The following NGEF variants were observed in gnomAD, a reference collection of about 807,000 sequenced individuals.
NGEF encodes the protein ephexin-1.
NGEF carries 31 observed loss-of-function variants against 80.9 expected under a neutral mutation model. The ratio of observed to expected loss-of-function variants is 0.38; its 90% confidence interval spans 0.29 to 0.52. The LOEUF (loss-of-function observed/expected upper bound fraction) is 0.52. NGEF is among the 20% of genes least tolerant of loss of function. The pLI is 0.84. For missense variants in NGEF, 709 were observed against 926.2 expected, an observed-to-expected ratio of 0.77 and a Z score of 3.04; for synonymous variants, 371 against 370.2, an observed-to-expected ratio of 1.00 and a Z score of -0.03.
At chr2:232,988,677 T>A (rs1694590022) in intron 1 of NGEF, among the ~76,000 whole-genome samples, 1 of 152,184 alleles carries the variant, frequency 6.6e-6, no homozygotes, top group South Asian at 2.1e-4. Flanking sequence ...GGTGACTCAC[T>A]CCAGCATCAT....
At position 232,953,018 on chromosome 2, in the gene NGEF, T is replaced by C. The variant is rs1189392152; in HGVS notation, c.383+17196A>G. ...AAAAAACAACAAAAAAGCAAAGTGA[T>C]TGGGGCCAGGCGCAGTGGCTCACGC... On this transcript the variant is annotated intron_variant, in intron 3 of 14. Transcript: ENST00000264051. 4.6e-5 allele frequency among the ~76,000 whole-genome samples: 6 copies of C among 129,054 alleles called. No individual in the cohort carries two copies. In the South Asian group the frequency reaches 1.5e-3, roughly 32 times the overall value. The allele number at this position is 129,054 out of a possible 152,430, so 84.7% of individuals were successfully genotyped here. A position where few individuals can be genotyped will look rare whatever the true frequency, so the allele number is the denominator to read the frequency against.
At chr2:232,933,813 C>T (rs185986212) in intron 3 of NGEF, among the ~76,000 whole-genome samples, 5 of 152,248 alleles carry the variant, frequency 3.3e-5, no homozygotes, top group African/African-American at 1.2e-4. Context: ...CCCCACCAGG[C>T]CCCTTCTGCT....
chr2:232,927,931 G>A lies in NGEF; in HGVS notation c.384-745C>T, dbSNP rs1176876471. 6.0e-6 allele frequency: 8 copies of A among 1,342,608 alleles called. No homozygotes were observed. In the African/African-American group the frequency reaches 9.2e-5, roughly 15 times the overall value. The allele number at this position is 1,342,608 out of a possible 1,614,324, so 83.2% of individuals were successfully genotyped here. On this transcript the variant is annotated intron_variant, in intron 3 of 14. Transcript: ENST00000264051. ...GTCCCGCCGCCGAGTCGCGCGCGTC[G>A]CTTTCCGAGGTGGAACTGTCGTGGT...
chr2:232,895,150 G>A (rs1336770804), intron 5 of NGEF, among the ~76,000 whole-genome samples: 3 of 152,162 alleles, frequency 2.0e-5, no homozygotes, highest in Admixed American at 6.5e-5. Flanking sequence ...GACAGGGCAC[G>A]GAGGCTACTC....
rs762643427 is a variant in NGEF at position 233,013,151 on chromosome 2, C to A, written c.-158G>T. 5.5e-5 allele frequency: 26 copies of A among 471,164 alleles called. No homozygotes were observed. Among genetic ancestry groups the A allele is most frequent in the South Asian group, 1.7e-4 (11 of 64,576 alleles). The allele number at this position is 471,164 out of a possible 1,614,324, so 29.2% of individuals were successfully genotyped here. On this transcript the variant is annotated 5_prime_UTR_variant, in exon 1 of 15. Coordinates refer to ENST00000264051, the MANE Select transcript of NGEF (RefSeq NM_019850.3). ...CCTGTCCTGTCCAGGCACCTGCGAGCAGGATGGTGTGTCCCCGGCTAAATC... is the reference window on the plus strand; with the variant it reads ...CCTGTCCTGTCCAGGCACCTGCGAGAAGGATGGTGTGTCCCCGGCTAAATC...
chr2:232,882,460 C>T (rs534664214), intron 12 of NGEF, among the ~76,000 whole-genome samples, 195 bp from the exon 13 acceptor site: 23 of 152,234 alleles, frequency 1.5e-4, no homozygotes, highest in Admixed American at 3.3e-4. Context: ...CAGGAACCCA[C>T]GGAGGGGCAT....
chr2:232,897,558 C>A (rs1201016100), intron 5 of NGEF, among the ~76,000 whole-genome samples: 1 of 152,122 alleles, frequency 6.6e-6, no homozygotes, highest in Non-Finnish European at 1.5e-5. Context: ...CTCTGCCCAC[C>A]CACCCACCTG....
intron 1 of NGEF, among the ~76,000 whole-genome samples, chr2:233,006,681 G>A (rs1695090093): frequency 6.6e-6 from 1 of 152,152 alleles, no homozygotes. Flanking sequence ...GAAAATAATA[G>A]CTAAAATTTT....
chr2:233,006,342 G>A (rs1695083703), intron 1 of NGEF, among the ~76,000 whole-genome samples: 1 of 152,182 alleles, frequency 6.6e-6, no homozygotes, highest in African/African-American at 2.4e-5. Flanking sequence ...TTCACTGGAG[G>A]GAAGTCATCA....
At chr2:232,974,579 T>C (rs766011409) in intron 2 of NGEF, 44 bp downstream of exon 2, 7 of 1,594,782 alleles carry the variant, frequency 4.4e-6, no homozygotes, top group East Asian at 4.5e-5. Context: ...ATGACTCCAG[T>C]TGGATGTAAG....
At chr2:232,919,968 C>T (rs143136736) in intron 5 of NGEF, among the ~76,000 whole-genome samples, 46 of 152,302 alleles carry the variant, frequency 3.0e-4, no homozygotes, top group African/African-American at 1.1e-3. Context: ...TGCCTCGTGC[C>T]GTGGCATTCA....
intron 4 of NGEF, 134 bp from the exon 5 acceptor site, chr2:232,920,719 T>C (rs969195216): frequency 2.6e-5 from 18 of 703,360 alleles, no homozygotes; most frequent in African/African-American, 7.3e-5. Flanking sequence ...AAGCCAGCCC[T>C]GCACCCATCT....
chr2:232,906,879 T>C (rs956655675), intron 5 of NGEF, among the ~76,000 whole-genome samples: 3 of 151,834 alleles, frequency 2.0e-5, no homozygotes, highest in African/African-American at 7.3e-5. Flanking sequence ...TCTATGACCT[T>C]ACCCCCAACC....
intron 1 of NGEF, among the ~76,000 whole-genome samples, chr2:232,981,725 C>T (rs1001006626): frequency 3.3e-5 from 5 of 152,214 alleles, no homozygotes; most frequent in Non-Finnish European, 5.9e-5. Context: ...CTCCAATCCC[C>T]GAATGCTTGG....
At chr2:232,953,043 C>T (rs1212775399) in intron 3 of NGEF, among the ~76,000 whole-genome samples, 1 of 148,794 alleles carries the variant, frequency 6.7e-6, no homozygotes, top group Non-Finnish European at 1.5e-5. Context: ...GTGGCTCACG[C>T]CTGTAATCCC....
intron 3 of NGEF, among the ~76,000 whole-genome samples, chr2:232,966,486 C>T (rs900854062): frequency 3.9e-5 from 6 of 152,070 alleles, no homozygotes; most frequent in African/African-American, 9.7e-5. Flanking sequence ...TAGATGTTTC[C>T]GGGTGTGAAC....
chr2:232,885,316 C>T lies in NGEF; in HGVS notation c.1401G>A (p.Met467Ile), dbSNP rs1162092635. ...ACTCCATCTTCTTCTGAATGCTGAT[C>T]ATCTGTTCCGTGCGGCTCATTTTCC... Reference protein sequence around the residue: ...GVRKMSRTEQMISIQKKMEFK... With the variant: ...GVRKMSRTEQIISIQKKMEFK... Residue 467 changes from methionine (M) to isoleucine (I), a missense_variant, in exon 10 of 15, where the codon ATG becomes ATA. Met to Ile is a conservative substitution (Grantham distance 10). Coordinates refer to ENST00000264051, the MANE Select transcript of NGEF (RefSeq NM_019850.3). 3 of 1,614,168 alleles carry T rather than the reference C, an allele frequency of 1.9e-6. No individual in the cohort carries two copies. The South Asian group carries it at 3.3e-5, about 18-fold the overall frequency.
intron 3 of NGEF, among the ~76,000 whole-genome samples, chr2:232,931,075 C>T (rs1446609350): frequency 6.6e-6 from 1 of 152,018 alleles, no homozygotes; most frequent in Non-Finnish European, 1.5e-5. Context: ...ATAAAAAATC[C>T]CATTCCAAAA....
rs137885312 is a variant in NGEF, at chr2:232,955,004, G to A, written c.383+15210C>T. Among the ~76,000 whole-genome samples, 447 of 151,986 alleles carry A rather than the reference G, an allele frequency of 2.9e-3. 5 individuals are homozygous for A. Among genetic ancestry groups the A allele is most frequent in the East Asian group, 0.019 (98 of 5,174 alleles). ...ACGGATAACAGCTTACTTTTTCTTC[G>A]TAATACGCCTATTCATATTCTAACT... is the stretch of plus-strand genomic sequence containing the variant. On this transcript the variant is annotated intron_variant, in intron 3 of 14. Transcript: ENST00000264051.
Sources: allele counts gnomAD v4.1 joint callset (sites outside exome capture counted in the v4.1 genomes callset), GRCh38; gene constraint gnomAD v4.1.1; transcripts MANE v1.5; gene names NCBI Gene and HGNC (gene_info 2026-07-23, HGNC 2026-07-21).